CTNNA3: variants seen among roughly 807,000 people sequenced by gnomAD.
CTNNA3 encodes catenin alpha 3.
Under a neutral mutation model 95.7 loss-of-function variants are expected in CTNNA3, and 76 were observed. The observed-to-expected ratio is 0.79, with a 90% CI of 0.66 to 0.96. CTNNA3 has a LOEUF of 0.96. Ranked by LOEUF, CTNNA3 falls within the 40% of genes least tolerant of loss-of-function variation. CTNNA3 has a pLI of 0.00. For synonymous variants in CTNNA3, 431 were observed against 374.4 expected (o/e 1.15, Z -1.74); for missense variants, 1,191 against 1,089.8 (o/e 1.09, Z -1.31).
intron 2 of CTNNA3, among the ~76,000 whole-genome samples, chr10:67,612,725 C>T (rs1843500797): frequency 6.6e-6 from 1 of 152,120 alleles, no homozygotes; most frequent in Non-Finnish European, 1.5e-5. Flanking sequence ...TATTTTTTAC[C>T]TCAGTGGCTA....
intron 9 of CTNNA3, among the ~76,000 whole-genome samples, chr10:66,632,218 A>C (rs1845162603): frequency 6.6e-6 from 1 of 152,102 alleles, no homozygotes; most frequent in South Asian, 2.1e-4. Flanking sequence ...TTTAATGTGC[A>C]TCTGGAAGAA....
At chr10:66,004,076 A>G (rs1002619195) in intron 15 of CTNNA3, among the ~76,000 whole-genome samples, 3 of 152,244 alleles carry the variant, frequency 2.0e-5, no homozygotes, top group African/African-American at 7.2e-5. Context: ...TTTCAAATGA[A>G]TAGCAAGGAG....
At chr10:67,734,390 G>C (rs1233839168) in intron 1 of CTNNA3, among the ~76,000 whole-genome samples, 1 of 152,054 alleles carries the variant, frequency 6.6e-6, no homozygotes, top group Non-Finnish European at 1.5e-5. Flanking sequence ...AATTTATTCA[G>C]TGACTACCAG....
chr10:65,934,368 T>C (rs2077303580), intron 17 of CTNNA3, among the ~76,000 whole-genome samples: 1 of 152,144 alleles, frequency 6.6e-6, no homozygotes, highest in Non-Finnish European at 1.5e-5. Flanking sequence ...TTCAAAAATA[T>C]GCAGACTCTC....
intron 7 of CTNNA3, among the ~76,000 whole-genome samples, chr10:66,914,525 A>T (rs903434318): frequency 5.0e-5 from 7 of 140,180 alleles, no homozygotes; most frequent in Admixed American, 7.7e-5. Context: ...GTGGCACCGC[A>T]GCAAGCAGTA....
At chr10:67,013,223 T>A (rs1181761422) in intron 7 of CTNNA3, among the ~76,000 whole-genome samples, 2 of 151,644 alleles carry the variant, frequency 1.3e-5, no homozygotes. Context: ...GCATCTGGTG[T>A]CTGTCCTTAA....
intron 1 of CTNNA3, among the ~76,000 whole-genome samples, chr10:67,673,965 C>T (rs189881655): frequency 9.9e-5 from 15 of 151,450 alleles, no homozygotes; most frequent in Non-Finnish European, 1.8e-4. Context: ...AAGCACGTTT[C>T]GGTAATAGCC....
At chr10:66,047,797 T>C (rs1439689614) in intron 15 of CTNNA3, among the ~76,000 whole-genome samples, 1 of 152,134 alleles carries the variant, frequency 6.6e-6, no homozygotes, top group African/African-American at 2.4e-5. Flanking sequence ...ATAAAATCAA[T>C]GTACAAAAAT....
chr10:67,215,038 A>T (rs565245016), intron 6 of CTNNA3, among the ~76,000 whole-genome samples: 1 of 152,074 alleles, frequency 6.6e-6, no homozygotes, highest in Non-Finnish European at 1.5e-5. Flanking sequence ...TGAATTGTAT[A>T]TTATAATATT....
intron 13 of CTNNA3, among the ~76,000 whole-genome samples, chr10:66,200,821 A>G (rs1335894481): frequency 2.0e-5 from 3 of 152,236 alleles, no homozygotes; most frequent in African/African-American, 7.2e-5. Flanking sequence ...ATATTTTGCT[A>G]TAAGGCAAAT....
chr10:66,678,624 T>C (rs1025929063), intron 9 of CTNNA3, among the ~76,000 whole-genome samples: 1 of 152,150 alleles, frequency 6.6e-6, no homozygotes, highest in African/African-American at 2.4e-5. Flanking sequence ...AAGAACACTT[T>C]TGGGGCTATT....
At position 67,727,148 on chromosome 10, in the gene CTNNA3, T is replaced by G. The variant is rs562787012; in HGVS notation, c.-2+36286A>C. 5.0e-3 allele frequency among the ~76,000 whole-genome samples: 606 copies of G among 122,380 alleles called. 3 individuals are homozygous for G. Among genetic ancestry groups the G allele is most frequent in the East Asian group, 0.016 (72 of 4,366 alleles). 80.3% of individuals were successfully genotyped at this position (122,380 alleles called of 152,430 possible). A position where few individuals can be genotyped will look rare whatever the true frequency, so the allele number is the denominator to read the frequency against. On this transcript the variant is annotated intron_variant, in intron 1 of 17. Coordinates refer to the CTNNA3 transcript ENST00000684154. ...ATTATATAATATATGATACATATAT[T>G]ATATAATTATATATAATATATGATA... is the stretch of plus-strand genomic sequence containing the variant.
chr10:67,264,658 G>T (rs1866747213), intron 5 of CTNNA3, among the ~76,000 whole-genome samples: 1 of 152,102 alleles, frequency 6.6e-6, no homozygotes, highest in South Asian at 2.1e-4. Context: ...CACCTGTCTA[G>T]CTTCATCTTT....
At chr10:66,902,089 C>T (rs1845774006) in intron 7 of CTNNA3, among the ~76,000 whole-genome samples, 1 of 152,184 alleles carries the variant, frequency 6.6e-6, no homozygotes, top group African/African-American at 2.4e-5. Flanking sequence ...TTCTTCTCAG[C>T]ACCACATTGC....
intron 7 of CTNNA3, among the ~76,000 whole-genome samples, chr10:66,985,724 ATTTG>A (rs556516524): frequency 9.2e-5 from 14 of 151,974 alleles, no homozygotes; most frequent in African/African-American, 1.7e-4. Flanking sequence ...CTGTTTGTTT[ATTTG>A]TTTGTTTGTT....
chr10:66,914,593 C>T (rs1846390030), intron 7 of CTNNA3, among the ~76,000 whole-genome samples: 2 of 148,252 alleles, frequency 1.3e-5, no homozygotes, highest in African/African-American at 5.0e-5. Context: ...GAAAAAATGG[C>T]ACATCCATGA....
At chr10:67,277,997 C>A (rs2132435057) in intron 5 of CTNNA3, among the ~76,000 whole-genome samples, 1 of 152,242 alleles carries the variant, frequency 6.6e-6, no homozygotes, top group South Asian at 2.1e-4. Context: ...GACTGCCATT[C>A]TTTTATTCCT....
chr10:67,738,135 T>C (rs1164863378), intron 1 of CTNNA3, among the ~76,000 whole-genome samples: 1 of 152,016 alleles, frequency 6.6e-6, no homozygotes, highest in African/African-American at 2.4e-5. Flanking sequence ...ACCTGACTGT[T>C]AAAACAAAAC....
intron 10 of CTNNA3, among the ~76,000 whole-genome samples, chr10:66,588,655 ATC>A (rs1843442455): frequency 2.6e-5 from 4 of 152,096 alleles, no homozygotes; most frequent in Admixed American, 2.0e-4. Flanking sequence ...TATTTCATTT[ATC>A]TAATTATCCC....
Sources: gnomAD v4.1 joint callset for allele counts (sites outside exome capture counted in the v4.1 genomes callset) on GRCh38, gnomAD v4.1.1 for gene constraint, MANE v1.5 for transcripts, NCBI Gene and HGNC (gene_info 2026-07-23, HGNC 2026-07-21) for gene names.